Variants in SHC3 observed in about 807,000 individuals in gnomAD.
SHC3 encodes SHC-transforming protein 3.
SHC3 carries 15 observed loss-of-function variants against 60.4 expected under a neutral mutation model. The observed-to-expected ratio is 0.25, with a 90% CI of 0.17 to 0.38. The LOEUF is 0.38. Among genes scored for constraint, SHC3 ranks in the 10% least tolerant of loss-of-function variants. The pLI, the probability that SHC3 is intolerant of heterozygous loss-of-function variation, is 1.00. For synonymous variants in SHC3, 294 were observed against 325.9 expected (o/e 0.90, Z 1.05); for missense variants, 677 against 786.1 (o/e 0.86, Z 1.66).
intron 2 of SHC3, among the ~76,000 whole-genome samples, chr9:89,099,790 T>A (rs1825757039): frequency 6.6e-6 from 1 of 152,212 alleles, no homozygotes; most frequent in Admixed American, 6.5e-5. Flanking sequence ...AAAGGGTGCA[T>A]CTTGGAATTA....
intron 11 of SHC3, among the ~76,000 whole-genome samples, chr9:89,029,840 C>A (rs1222563149): frequency 6.6e-6 from 1 of 152,020 alleles, no homozygotes; most frequent in African/African-American, 2.4e-5. Context: ...ATATGTAATG[C>A]AATGTTATGC....
At chr9:89,078,300 TA>T (rs1825393576) in intron 2 of SHC3, among the ~76,000 whole-genome samples, 1 of 152,184 alleles carries the variant, frequency 6.6e-6, no homozygotes, top group Non-Finnish European at 1.5e-5. Flanking sequence ...GGCCCAAACC[TA>T]ATCAACCACC....
chr9:89,139,382 T>G (rs930401659), intron 1 of SHC3, among the ~76,000 whole-genome samples: 1 of 151,922 alleles, frequency 6.6e-6, no homozygotes, highest in African/African-American at 2.4e-5. Context: ...ACTGTTTTGC[T>G]TTATTACACT....
At chr9:89,060,795 T>C (rs1825075695) in intron 6 of SHC3, among the ~76,000 whole-genome samples, 1 of 151,898 alleles carries the variant, frequency 6.6e-6, no homozygotes, top group Non-Finnish European at 1.5e-5. Flanking sequence ...TGATGATTAA[T>C]TATGGAGCCT....
At chr9:89,033,771 G>A (rs1213371624) in intron 11 of SHC3, among the ~76,000 whole-genome samples, 1 of 152,142 alleles carries the variant, frequency 6.6e-6, no homozygotes, top group Non-Finnish European at 1.5e-5. Flanking sequence ...AGTGCTTTAA[G>A]GTAAAAACAA....
intron 1 of SHC3, among the ~76,000 whole-genome samples, chr9:89,167,427 G>T (rs1480137583): frequency 6.6e-6 from 1 of 152,192 alleles, no homozygotes; most frequent in Non-Finnish European, 1.5e-5. Context: ...GGAGAGGCGG[G>T]CTGACCAAGC....
At chr9:89,157,694 C>T (rs1020938065) in intron 1 of SHC3, among the ~76,000 whole-genome samples, 2 of 152,104 alleles carry the variant, frequency 1.3e-5, no homozygotes, top group Non-Finnish European at 2.9e-5. Context: ...TAGCTCACTG[C>T]AACCCCCAAC....
intron 1 of SHC3, among the ~76,000 whole-genome samples, chr9:89,145,333 G>T (rs1826453820): frequency 6.6e-6 from 1 of 152,208 alleles, no homozygotes; most frequent in South Asian, 2.1e-4. Context: ...TTGTATAGAT[G>T]GACTTCATTC....
At chr9:89,051,255 A>G (rs1355203268) in intron 7 of SHC3, among the ~76,000 whole-genome samples, 2 of 152,198 alleles carry the variant, frequency 1.3e-5, no homozygotes, top group Non-Finnish European at 2.9e-5. Context: ...ACATTAGAAT[A>G]GATTTTCATT....
intron 11 of SHC3, chr9:89,037,446 G>A: frequency 1.5e-6 from 1 of 686,644 alleles, no homozygotes; most frequent in Non-Finnish European, 2.7e-6. Flanking sequence ...ACGGGAAGAT[G>A]AAAAATTCAG....
At chr9:89,039,656 A>G (rs559051554) in intron 10 of SHC3, among the ~76,000 whole-genome samples, 1 of 151,842 alleles carries the variant, frequency 6.6e-6, no homozygotes, top group East Asian at 1.9e-4. Context: ...CATTATCACC[A>G]TCATCCCCAT....
At chr9:89,033,773 T>TA (rs1225097199) in intron 11 of SHC3, among the ~76,000 whole-genome samples, 3 of 152,046 alleles carry the variant, frequency 2.0e-5, no homozygotes, top group African/African-American at 7.2e-5. Context: ...TGCTTTAAGG[T>TA]AAAAACAAAG....
rs1826990166 is a variant in SHC3 at position 89,178,779 on chromosome 9, G to C, written c.-319C>G. The C allele has an allele frequency of 3.8e-6, 1 of 264,232 alleles. No individual in the cohort carries two copies. Among genetic ancestry groups the C allele is most frequent in the Non-Finnish European group, 7.1e-6 (1 of 140,412 alleles). The allele number at this position is 264,232 out of a possible 1,614,324, so 16.4% of individuals were successfully genotyped here. A position where few individuals can be genotyped will look rare whatever the true frequency, so the allele number is the denominator to read the frequency against. On this transcript the variant is annotated 5_prime_UTR_variant, in exon 1 of 12. Transcript: ENST00000375835. The surrounding 1 kb of genome is among the most constrained non-coding windows in gnomAD (Gnocchi z 6.9). ...TCACAGCAAAAGCATGACTCACTCT[G>C]AGAGGAGACCCTTCTCAACAAAGGC...
rs577522671 is a variant in SHC3, at chr9:89,007,359, G to A, written c.*6088C>T. ...CACCCTTGCTGGTTCTACTTTACTT[G>A]GACACACGGGTACCTTAAGGCTTGT... On this transcript the variant is annotated 3_prime_UTR_variant, in exon 12 of 12. Coordinates refer to ENST00000375835, the MANE Select transcript of SHC3 (RefSeq NM_016848.6). The A allele has an allele frequency of 6.6e-6, 1 of 152,320 alleles. No homozygotes were observed. The highest frequency in any genetic ancestry group is 1.9e-4 in the East Asian group (1 of 5,190). The allele number at this position is 152,320 out of a possible 1,614,324, so 9.4% of individuals were successfully genotyped here.
intron 2 of SHC3, among the ~76,000 whole-genome samples, chr9:89,081,851 C>T (rs1230583286): frequency 6.6e-6 from 1 of 152,172 alleles, no homozygotes; most frequent in Non-Finnish European, 1.5e-5. Context: ...AGGGAACCTC[C>T]AGGTGGCCAC....
At chr9:89,175,103 G>A (rs1826924060) in intron 1 of SHC3, among the ~76,000 whole-genome samples, 1 of 152,240 alleles carries the variant, frequency 6.6e-6, no homozygotes, top group Non-Finnish European at 1.5e-5. Flanking sequence ...AATGAAAATA[G>A]TCATTGTTCT....
intron 1 of SHC3, among the ~76,000 whole-genome samples, chr9:89,162,609 C>T (rs1587763940): frequency 1.3e-5 from 2 of 151,558 alleles, no homozygotes; most frequent in Non-Finnish European, 3.0e-5. Context: ...GGATTAAAGA[C>T]TTAAACGTTA....
At chr9:89,020,238 G>A (rs540883763) in intron 11 of SHC3, among the ~76,000 whole-genome samples, 2 of 151,912 alleles carry the variant, frequency 1.3e-5, no homozygotes, top group Non-Finnish European at 2.9e-5. Context: ...CAGGTTAAGG[G>A]GTGAAAGAGG....
At chr9:89,176,274 C>T (rs946042512) in intron 1 of SHC3, among the ~76,000 whole-genome samples, 3 of 152,206 alleles carry the variant, frequency 2.0e-5, no homozygotes, top group South Asian at 2.1e-4. Flanking sequence ...AGATTGTCGA[C>T]GCAGAGCCGT....
Sources: allele counts gnomAD v4.1 joint callset (sites outside exome capture counted in the v4.1 genomes callset), GRCh38; gene constraint gnomAD v4.1.1; non-coding constraint Gnocchi (gnomAD v3.1); transcripts MANE v1.5; gene names NCBI Gene and HGNC (gene_info 2026-07-23, HGNC 2026-07-21).